Variants in ATP6V1H observed in about 807,000 individuals in gnomAD.
ATP6V1H encodes the protein V-type proton ATPase subunit H.
In ATP6V1H, 39 loss-of-function variants were observed where a neutral mutation model predicts 71.7. The observed-to-expected ratio is 0.54, with a 90% confidence interval of 0.42 to 0.71. The LOEUF (loss-of-function observed/expected upper bound fraction) is 0.71. Among genes scored for constraint, ATP6V1H ranks in the 30% least tolerant of loss-of-function variants. The pLI is 0.00. For missense variants in ATP6V1H, 509 were observed against 594.9 expected, an observed-to-expected ratio of 0.86 and a Z score of 1.50; for synonymous variants, 192 against 199.3, an observed-to-expected ratio of 0.96 and a Z score of 0.31.
chr8:53,819,432 T>C (rs1481482059), intron 4 of ATP6V1H, among the ~76,000 whole-genome samples: 1 of 148,736 alleles, frequency 6.7e-6, no homozygotes, highest in Non-Finnish European at 1.5e-5. Flanking sequence ...CTTCGGAAGC[T>C]GAGGCAGGAG....
chr8:53,724,690 G>C (rs954597140), intron 13 of ATP6V1H, among the ~76,000 whole-genome samples: 4 of 150,398 alleles, frequency 2.7e-5, no homozygotes, highest in African/African-American at 9.8e-5. Context: ...CGCATGTCTA[G>C]TTCTGGTCTG....
At chr8:53,759,750 T>C (rs1808199937) in intron 11 of ATP6V1H, among the ~76,000 whole-genome samples, 2 of 152,242 alleles carry the variant, frequency 1.3e-5, no homozygotes, top group African/African-American at 4.8e-5. Context: ...CGGCTTCTTA[T>C]ATTTCAGAAT....
intron 2 of ATP6V1H, among the ~76,000 whole-genome samples, chr8:53,835,628 A>G (rs912738645): frequency 2.0e-5 from 3 of 152,114 alleles, no homozygotes; most frequent in African/African-American, 7.2e-5. Context: ...CATCAGTTTC[A>G]CACTGTTTTA....
chr8:53,838,936 G>A (rs893786745), intron 2 of ATP6V1H, among the ~76,000 whole-genome samples: 3 of 152,126 alleles, frequency 2.0e-5, no homozygotes, highest in East Asian at 1.9e-4. Flanking sequence ...TCTTTTATAT[G>A]AGACACATTT....
At chr8:53,828,127 A>G (rs757924783) in intron 4 of ATP6V1H, among the ~76,000 whole-genome samples, 2 of 152,202 alleles carry the variant, frequency 1.3e-5, no homozygotes, top group Non-Finnish European at 2.9e-5. Flanking sequence ...TATCTACCCA[A>G]CAATGGGATT....
chr8:53,789,737 A>G (rs1314243622), intron 9 of ATP6V1H, among the ~76,000 whole-genome samples: 5 of 142,784 alleles, frequency 3.5e-5, no homozygotes, highest in Non-Finnish European at 7.4e-5. Flanking sequence ...AACAAGAAAT[A>G]ATTATAAATT....
At chr8:53,732,271 TAGAC>T (rs768949872) in intron 13 of ATP6V1H, among the ~76,000 whole-genome samples, 3 of 152,164 alleles carry the variant, frequency 2.0e-5, no homozygotes, top group Non-Finnish European at 4.4e-5. Flanking sequence ...AAAAATAAGT[TAGAC>T]AGAAAGTAAG....
intron 13 of ATP6V1H, among the ~76,000 whole-genome samples, chr8:53,731,980 C>T (rs796095967): frequency 5.9e-5 from 9 of 152,352 alleles, no homozygotes; most frequent in African/African-American, 1.4e-4. Flanking sequence ...AAGGAACTGA[C>T]GCTTGGAGTT....
chr8:53,817,336 A>G, intron 5 of ATP6V1H, 81 bp downstream of exon 5: 1 of 956,560 alleles, frequency 1.0e-6, no homozygotes, highest in Non-Finnish European at 1.5e-6. Flanking sequence ...CCTAAAGTTC[A>G]AGACCAGCCT....
intron 4 of ATP6V1H, among the ~76,000 whole-genome samples, chr8:53,820,677 A>G (rs1810621200): frequency 6.6e-6 from 1 of 151,508 alleles, no homozygotes; most frequent in Non-Finnish European, 1.5e-5. Flanking sequence ...AAAAAAAAAA[A>G]AAAAAGAAAA....
chr8:53,826,376 T>C (rs922719859), intron 4 of ATP6V1H, among the ~76,000 whole-genome samples: 1 of 152,194 alleles, frequency 6.6e-6, no homozygotes, highest in African/African-American at 2.4e-5. Flanking sequence ...TTTCTAATTC[T>C]AAAATTTGGA....
intron 4 of ATP6V1H, among the ~76,000 whole-genome samples, chr8:53,820,279 T>C (rs1051269153): frequency 6.7e-6 from 1 of 150,334 alleles, no homozygotes; most frequent in Non-Finnish European, 1.5e-5. Flanking sequence ...TTTTGAGAGA[T>C]AATAAGGTTT....
chr8:53,726,282 TA>T lies in ATP6V1H; in HGVS notation c.1392-10259del, dbSNP rs1401648431. On this transcript the variant is annotated intron_variant, in intron 13 of 13. Coordinates refer to ENST00000359530, the MANE Select transcript of ATP6V1H (RefSeq NM_015941.4). Reference sequence around the variant, plus strand: ...CATGACATAATGGCAAAATAATTTCTAACAATTTTTTCCAAATTGGAAGCTT... The same window carrying T: ...CATGACATAATGGCAAAATAATTTCTACAATTTTTTCCAAATTGGAAGCTT... 2.0e-4 allele frequency among the ~76,000 whole-genome samples: 30 copies of T among 152,244 alleles called. 1 individual carries two copies. The highest frequency in any genetic ancestry group is 2.0e-3 in the Admixed American group (30 of 15,290).
chr8:53,776,344 C>T (rs1808890484), intron 9 of ATP6V1H, among the ~76,000 whole-genome samples: 1 of 152,198 alleles, frequency 6.6e-6, no homozygotes, highest in African/African-American at 2.4e-5. Flanking sequence ...AAAGGGGCTC[C>T]CACAGTGCAG....
chr8:53,733,570 A>G (rs1217453034), intron 13 of ATP6V1H, among the ~76,000 whole-genome samples: 1 of 152,218 alleles, frequency 6.6e-6, no homozygotes, highest in East Asian at 1.9e-4. Context: ...CAGCAGGTAC[A>G]CTACCTAGGA....
chr8:53,790,863 G>A (rs539594170), intron 9 of ATP6V1H, among the ~76,000 whole-genome samples: 1 of 152,278 alleles, frequency 6.6e-6, no homozygotes, highest in African/African-American at 2.4e-5. Context: ...AAACGTCAAG[G>A]GGGCTCCGTA....
intron 13 of ATP6V1H, among the ~76,000 whole-genome samples, chr8:53,719,041 G>A (rs1013269482): frequency 1.3e-5 from 2 of 152,314 alleles, no homozygotes; most frequent in African/African-American, 4.8e-5. Context: ...CATGTGGGGT[G>A]TTAGATGGCT....
intron 9 of ATP6V1H, among the ~76,000 whole-genome samples, chr8:53,790,834 T>C (rs1809542766): frequency 6.6e-6 from 1 of 152,206 alleles, no homozygotes; most frequent in African/African-American, 2.4e-5. Flanking sequence ...GGAACAGAGA[T>C]TATAAACTGC....
chr8:53,814,597 A>G (rs531218613), intron 6 of ATP6V1H, 65 bp downstream of exon 6: 1 of 908,674 alleles, frequency 1.1e-6, no homozygotes, highest in Admixed American at 2.3e-5. Flanking sequence ...TATTTACTAT[A>G]AATAGCTTAA....
Sources: allele counts gnomAD v4.1 joint callset (sites outside exome capture counted in the v4.1 genomes callset), GRCh38; gene constraint gnomAD v4.1.1; transcripts MANE v1.5; gene names NCBI Gene and HGNC (gene_info 2026-07-23, HGNC 2026-07-21).